Variants in MPDZ observed in about 807,000 individuals in gnomAD.
The protein encoded by MPDZ is multiple PDZ domain crumbs cell polarity complex component.
A neutral mutation model predicts 239.1 loss-of-function variants in MPDZ; 234 were observed. The observed-to-expected ratio is 0.98, with a 90% CI of 0.88 to 1.09. MPDZ has a LOEUF of 1.09. Ranked by LOEUF, MPDZ falls within the 50% of genes least tolerant of loss-of-function variation. The pLI is 0.00. For missense variants in MPDZ, 3,175 were observed against 2,510.0 expected (o/e 1.26, Z -5.66); for synonymous variants, 1,048 against 881.3 (o/e 1.19, Z -3.35).
chr9:13,232,644 C>G lies in MPDZ; in HGVS notation c.184-8061G>C, dbSNP rs117320914. ...GGCAAAAAAGAAAAAAAAAGCAATA[C>G]CCACAAAGAAAAAAATTTATTTTTA... On this transcript the variant is annotated intron_variant, in intron 3 of 46. Transcript: ENST00000319217. 7.7e-3 allele frequency among the ~76,000 whole-genome samples: 1,161 copies of G among 151,040 alleles called. 9 individuals are homozygous for G. Among genetic ancestry groups the G allele is most frequent in the Non-Finnish European group, 0.011 (763 of 67,710 alleles).
In MPDZ at chr9:13,193,310, C is replaced by T; in HGVS notation, c.1660G>A (p.Ala554Thr). 8 of 1,582,564 alleles carry T rather than the reference C, an allele frequency of 5.1e-6. No homozygotes were observed. The highest frequency in any genetic ancestry group is 2.4e-5 in the South Asian group (2 of 84,012). ...TTCTCACTAAACTTGCTCACATGGG[C>T]CACCTGAAAAGAAAAAAAAAAAGAT... Reference protein sequence around the residue: ...IMGINYEIVVAHVSKFSENSG... With the variant: ...IMGINYEIVVTHVSKFSENSG... The change falls in exon 14 of 47, where the codon GCC becomes ACC. Residue 554 changes from alanine to threonine, a missense_variant. By Grantham distance (58) the Ala-to-Thr change is moderately conservative. Transcript: ENST00000319217.
intron 35 of MPDZ, among the ~76,000 whole-genome samples, chr9:13,124,247 A>C (rs891359285): frequency 1.3e-5 from 2 of 152,234 alleles, no homozygotes; most frequent in African/African-American, 2.4e-5. Flanking sequence ...TTAGGGATCA[A>C]CATAAAATTG....
intron 26 of MPDZ, among the ~76,000 whole-genome samples, chr9:13,145,207 T>C (rs1948270099): frequency 6.6e-6 from 1 of 152,050 alleles, no homozygotes; most frequent in African/African-American, 2.4e-5. Flanking sequence ...CTATTTCTTA[T>C]TAAAAAACCA....
chr9:13,139,579 C>G (rs987547682), intron 28 of MPDZ, among the ~76,000 whole-genome samples: 1 of 152,134 alleles, frequency 6.6e-6, no homozygotes, highest in Non-Finnish European at 1.5e-5. Context: ...TACTATGTCA[C>G]CATTCTGGTA....
At chr9:13,109,890 C>T (rs966546974) in intron 45 of MPDZ, 62 bp downstream of exon 45, 4 of 1,315,228 alleles carry the variant, frequency 3.0e-6, no homozygotes, top group Non-Finnish European at 4.3e-6. Flanking sequence ...GAGAACGCAA[C>T]TGTCAGGAAG....
intron 23 of MPDZ, among the ~76,000 whole-genome samples, 175 bp downstream of exon 23, chr9:13,162,516 A>C (rs1453559499): frequency 2.0e-5 from 3 of 151,970 alleles, no homozygotes; most frequent in Non-Finnish European, 4.4e-5. Flanking sequence ...CAAATTTTCC[A>C]TACTATATAA....
intron 38 of MPDZ, 118 bp from the exon 39 acceptor site, chr9:13,119,767 T>A: frequency 8.2e-7 from 1 of 1,214,304 alleles, no homozygotes; most frequent in East Asian, 2.5e-5. Flanking sequence ...TTTAAAAGTT[T>A]TGTTATTTGG....
intron 12 of MPDZ, among the ~76,000 whole-genome samples, chr9:13,203,923 A>T (rs1369879175): frequency 2.6e-5 from 4 of 152,048 alleles, no homozygotes; most frequent in Admixed American, 2.6e-4. Context: ...CCTTTCCTAC[A>T]ATTCCTGATA....
chr9:13,232,689 A>C (rs1962839976), intron 3 of MPDZ, among the ~76,000 whole-genome samples: 1 of 151,794 alleles, frequency 6.6e-6, no homozygotes, highest in Non-Finnish European at 1.5e-5. Flanking sequence ...ATTTGTTTTT[A>C]AAATAAAAAC....
intron 1 of MPDZ, among the ~76,000 whole-genome samples, chr9:13,262,567 C>A (rs1291151103): frequency 2.0e-5 from 3 of 150,336 alleles, no homozygotes; most frequent in African/African-American, 2.4e-5. Flanking sequence ...TTTAATGTAC[C>A]ACTAAAAAAA....
intron 3 of MPDZ, among the ~76,000 whole-genome samples, chr9:13,235,026 G>T (rs1356753972): frequency 6.6e-6 from 1 of 152,018 alleles, no homozygotes; most frequent in Non-Finnish European, 1.5e-5. Context: ...TACATGATAG[G>T]ACTCCATTGC....
At chr9:13,141,438 G>T (rs1052384347) in intron 27 of MPDZ, among the ~76,000 whole-genome samples, 1 of 152,076 alleles carries the variant, frequency 6.6e-6, no homozygotes, top group African/African-American at 2.4e-5. Flanking sequence ...AAACTCAAAG[G>T]TCAGGAACAT....
At chr9:13,278,597 G>C (rs563515228) in intron 1 of MPDZ, among the ~76,000 whole-genome samples, 2 of 152,202 alleles carry the variant, frequency 1.3e-5, no homozygotes, top group Non-Finnish European at 2.9e-5. Context: ...CGCTTCCCTG[G>C]TAACATCCGG....
intron 19 of MPDZ, among the ~76,000 whole-genome samples, chr9:13,178,808 G>A (rs1225580569): frequency 6.6e-6 from 1 of 152,062 alleles, no homozygotes; most frequent in Non-Finnish European, 1.5e-5. Flanking sequence ...GTAATATTTT[G>A]TCGTGCAGAA....
chr9:13,109,076 G>C lies in MPDZ; in HGVS notation c.5943-17C>G, dbSNP rs1341854839. 1.5e-6 allele frequency: 2 copies of C among 1,362,236 alleles called. No homozygotes were observed. Among genetic ancestry groups the C allele is most frequent in the Non-Finnish European group, 9.5e-7 (1 of 1,052,638 alleles). 84.4% of individuals were successfully genotyped at this position (1,362,236 alleles called of 1,614,324 possible). A position where few individuals can be genotyped will look rare whatever the true frequency, so the allele number is the denominator to read the frequency against. ...TGAGGAGGTCTACGGTGAAGGAAAGGAAAAAGAGGTTTTAAATTAAAAAAA... is the reference window on the plus strand; with the variant it reads ...TGAGGAGGTCTACGGTGAAGGAAAGCAAAAAGAGGTTTTAAATTAAAAAAA... On this transcript the variant is annotated splice_polypyrimidine_tract_variant and intron_variant, in intron 45 of 46. Coordinates refer to ENST00000319217, the MANE Select transcript of MPDZ (RefSeq NM_001378778.1).
chr9:13,123,763 T>C (rs887199534), intron 35 of MPDZ, among the ~76,000 whole-genome samples: 2 of 152,194 alleles, frequency 1.3e-5, no homozygotes, highest in African/African-American at 4.8e-5. Context: ...ATATCAATAA[T>C]TTTGGTTCTG....
chr9:13,196,676 G>C (rs1888745), intron 12 of MPDZ, among the ~76,000 whole-genome samples: 1 of 152,050 alleles, frequency 6.6e-6, no homozygotes, highest in Non-Finnish European at 1.5e-5. Flanking sequence ...AATAATATAT[G>C]TAACTCCATA....
intron 3 of MPDZ, among the ~76,000 whole-genome samples, chr9:13,246,683 C>T (rs1446947676): frequency 6.6e-6 from 1 of 152,038 alleles, no homozygotes; most frequent in African/African-American, 2.4e-5. Context: ...ACTATTTGTT[C>T]TTTTGCATTA....
At chr9:13,124,507 T>C (rs1182031808) in intron 35 of MPDZ, among the ~76,000 whole-genome samples, 1 of 152,202 alleles carries the variant, frequency 6.6e-6, no homozygotes, top group Non-Finnish European at 1.5e-5. Context: ...GTTTTGATGC[T>C]GCAGAGCTTG....
Sources: allele counts gnomAD v4.1 joint callset (sites outside exome capture counted in the v4.1 genomes callset), GRCh38; gene constraint gnomAD v4.1.1; transcripts MANE v1.5; gene names NCBI Gene and HGNC (gene_info 2026-07-23, HGNC 2026-07-21).